SLC2A14: variants seen among roughly 807,000 people sequenced by gnomAD.
The protein encoded by SLC2A14 is solute carrier family 2, facilitated glucose transporter member 14.
SLC2A14 carries 13 observed loss-of-function variants against 43.0 expected under a neutral mutation model. The observed-to-expected ratio is 0.30, with a 90% CI of 0.20 to 0.48. The LOEUF is 0.48. Among genes scored for constraint, SLC2A14 ranks in the 20% least tolerant of loss-of-function variants. The probability of loss-of-function intolerance (pLI) is 0.99; values close to 1 mark genes in which losing one functional copy is unlikely to be tolerated. For synonymous variants in SLC2A14, 190 were observed against 233.8 expected, an observed-to-expected ratio of 0.81 and a Z score of 1.71; for missense variants, 428 against 620.4, an observed-to-expected ratio of 0.69 and a Z score of 3.29.
chr12:7,868,776 G>A (rs935099448), intron 2 of SLC2A14, among the ~76,000 whole-genome samples: 2 of 152,164 alleles, frequency 1.3e-5, no homozygotes, highest in African/African-American at 4.8e-5. Context: ...GGGAGGCCGA[G>A]GCAGGTGGAT....
intron 2 of SLC2A14, among the ~76,000 whole-genome samples, chr12:7,865,921 G>A (rs1944879125): frequency 6.6e-6 from 1 of 152,080 alleles, no homozygotes; most frequent in Non-Finnish European, 1.5e-5. Flanking sequence ...TGAACACACT[G>A]AAAGTGTGAC....
intron 2 of SLC2A14, among the ~76,000 whole-genome samples, chr12:7,837,714 TCTGG>T (rs1332671332): frequency 6.9e-6 from 1 of 145,174 alleles, no homozygotes; most frequent in Non-Finnish European, 1.5e-5. Flanking sequence ...GAAGTCTCAC[TCTGG>T]CTGGGATTAC....
rs191070404 is a variant in SLC2A14 at position 7,813,818 on chromosome 12, T to A, written c.*498A>T. 4 of 156,494 alleles carry A rather than the reference T, an allele frequency of 2.6e-5. No homozygotes were observed. The highest frequency in any genetic ancestry group is 4.8e-5 in the African/African-American group (2 of 41,526). The allele number at this position is 156,494 out of a possible 1,614,324, so 9.7% of individuals were successfully genotyped here. ...ATTACACTTAAAAAATAAATATTTATGTAATTAAACCAGAGGATAAGATAA... is the reference window on the plus strand; with the variant it reads ...ATTACACTTAAAAAATAAATATTTAAGTAATTAAACCAGAGGATAAGATAA... On this transcript the variant is annotated 3_prime_UTR_variant, in exon 11 of 11. Transcript: ENST00000431042.
At chr12:7,881,594 C>T (rs1945574485) in intron 1 of SLC2A14, among the ~76,000 whole-genome samples, 1 of 152,112 alleles carries the variant, frequency 6.6e-6, no homozygotes, top group Non-Finnish European at 1.5e-5. Flanking sequence ...CTGAGCCTCC[C>T]CGACAAGCGC....
chr12:7,873,368 A>G, upstream of SLC2A14: 4 of 985,166 alleles, frequency 4.1e-6, no homozygotes, highest in Non-Finnish European at 4.8e-6. Context: ...CGGGCCGCGC[A>G]CGGTGGCTCA....
chr12:7,847,371 G>A (rs1276693100), intron 2 of SLC2A14, among the ~76,000 whole-genome samples: 1 of 152,072 alleles, frequency 6.6e-6, no homozygotes, highest in Non-Finnish European at 1.5e-5. Flanking sequence ...TGCTTCACTT[G>A]ACTAGCTTTA....
chr12:7,827,963 G>C (rs79080352), intron 6 of SLC2A14, among the ~76,000 whole-genome samples: 19,309 of 151,604 alleles, frequency 0.13, 3,287 homozygotes, highest in African/African-American at 0.38. Flanking sequence ...CATGGTGAAA[G>C]CCCATCTCTA....
chr12:7,875,046 T>G (rs1227349855), upstream of SLC2A14, among the ~76,000 whole-genome samples: 3 of 118,500 alleles, frequency 2.5e-5, no homozygotes, highest in Non-Finnish European at 4.8e-5. Flanking sequence ...TAAATATATA[T>G]TTATATATAA....
At chr12:7,853,884 G>C (rs192753108) in intron 2 of SLC2A14, among the ~76,000 whole-genome samples, 2 of 152,292 alleles carry the variant, frequency 1.3e-5, no homozygotes, top group East Asian at 1.9e-4. Flanking sequence ...GCTTAGAAAA[G>C]TGTGTACTTT....
intron 2 of SLC2A14, among the ~76,000 whole-genome samples, chr12:7,849,022 T>A (rs967674933): frequency 6.6e-6 from 1 of 151,790 alleles, no homozygotes; most frequent in Non-Finnish European, 1.5e-5. Context: ...CCCGGCTAAT[T>A]TTTGTATTTT....
chr12:7,881,653 G>A (rs1013454935), intron 1 of SLC2A14, among the ~76,000 whole-genome samples: 1 of 152,212 alleles, frequency 6.6e-6, no homozygotes, highest in Non-Finnish European at 1.5e-5. Context: ...AAGGGCTGAG[G>A]AGTGTGGGCG....
At chr12:7,865,261 G>C (rs1944843049) in intron 2 of SLC2A14, among the ~76,000 whole-genome samples, 1 of 152,104 alleles carries the variant, frequency 6.6e-6, no homozygotes, top group Non-Finnish European at 1.5e-5. Context: ...AGGCAGGCTG[G>C]GCACGGTGGC....
intron 4 of SLC2A14, 106 bp downstream of exon 4, chr12:7,831,498 A>G: frequency 1.3e-6 from 2 of 1,508,246 alleles, no homozygotes; most frequent in South Asian, 1.3e-5. Flanking sequence ...TTAGAATTCA[A>G]GGTGTTCTTA....
intron 2 of SLC2A14, among the ~76,000 whole-genome samples, chr12:7,853,297 G>A (rs1033104975): frequency 8.6e-5 from 13 of 151,896 alleles, no homozygotes; most frequent in African/African-American, 2.9e-4. Flanking sequence ...AAATTAGCTA[G>A]GCATGGTGGT....
intron 2 of SLC2A14, among the ~76,000 whole-genome samples, chr12:7,862,685 G>C (rs946910669): frequency 2.6e-5 from 4 of 152,114 alleles, no homozygotes; most frequent in Admixed American, 2.6e-4. Context: ...TTTATGTCTA[G>C]CTCAGGGATT....
chr12:7,833,833 C>T (rs112493396), intron 2 of SLC2A14, among the ~76,000 whole-genome samples: 2 of 151,158 alleles, frequency 1.3e-5, no homozygotes, highest in African/African-American at 4.9e-5. Context: ...GAGAACCAGT[C>T]GTCTTCACCT....
intron 1 of SLC2A14, among the ~76,000 whole-genome samples, chr12:7,883,251 TTTTC>T (rs1184252480): frequency 1.4e-3 from 183 of 129,682 alleles, no homozygotes; most frequent in East Asian, 2.8e-3. Context: ...AATGCTTTCT[TTTTC>T]TTTCTTTCTT....
At chr12:7,889,982 G>C (rs1413500723) in intron 1 of SLC2A14, among the ~76,000 whole-genome samples, 2 of 152,116 alleles carry the variant, frequency 1.3e-5, no homozygotes, top group African/African-American at 4.8e-5. Context: ...GTAGCAGTGA[G>C]GACTACCAGA....
chr12:7,890,283 G>A (rs1052210149), intron 1 of SLC2A14, among the ~76,000 whole-genome samples: 9 of 152,030 alleles, frequency 5.9e-5, no homozygotes, highest in African/African-American at 1.9e-4. Flanking sequence ...TTGCACCCCT[G>A]CCTTTGAGTC....
Sources: allele counts gnomAD v4.1 joint callset (sites outside exome capture counted in the v4.1 genomes callset), GRCh38; gene constraint gnomAD v4.1.1; transcripts MANE v1.5; gene names NCBI Gene and HGNC (gene_info 2026-07-23, HGNC 2026-07-21).